SORCS2: variants seen among roughly 807,000 people sequenced by gnomAD.
The protein encoded by SORCS2 is sortilin related VPS10 domain containing receptor 2.
Under a neutral mutation model 141.6 loss-of-function variants are expected in SORCS2, and 100 were observed. That is an observed-to-expected ratio of 0.71 (90% CI 0.60 to 0.83). SORCS2 has a LOEUF of 0.83. Among genes scored for constraint, SORCS2 ranks in the 40% least tolerant of loss-of-function variants. SORCS2 has a pLI of 0.00. For synonymous variants in SORCS2, 789 were observed against 676.9 expected (o/e 1.17, Z -2.57); for missense variants, 1,646 against 1,560.2 (o/e 1.05, Z -0.93).
At chr4:7,249,748 C>T (rs1713353000) in intron 1 of SORCS2, among the ~76,000 whole-genome samples, 1 of 152,194 alleles carries the variant, frequency 6.6e-6, no homozygotes, top group Non-Finnish European at 1.5e-5. Flanking sequence ...GATTCAAACA[C>T]AGAACTCCCT....
intron 1 of SORCS2, among the ~76,000 whole-genome samples, chr4:7,316,582 G>A (rs746757655): frequency 2.6e-5 from 4 of 152,174 alleles, no homozygotes; most frequent in Non-Finnish European, 4.4e-5. Flanking sequence ...ACCTTCCCGT[G>A]CCTTTACACA....
At chr4:7,540,703 G>T (rs940578559) in intron 3 of SORCS2, among the ~76,000 whole-genome samples, 2 of 152,194 alleles carry the variant, frequency 1.3e-5, no homozygotes, top group Non-Finnish European at 2.9e-5. Flanking sequence ...AGGGAGGGCG[G>T]GGGAGACAGA....
chr4:7,243,170 T>C (rs948069994), intron 1 of SORCS2, among the ~76,000 whole-genome samples: 1 of 152,160 alleles, frequency 6.6e-6, no homozygotes, highest in African/African-American at 2.4e-5. Flanking sequence ...TTGCACTTAG[T>C]TGTCACGTGG....
At chr4:7,526,126 C>G (rs1733681679) in intron 2 of SORCS2, among the ~76,000 whole-genome samples, 1 of 152,268 alleles carries the variant, frequency 6.6e-6, no homozygotes, top group South Asian at 2.1e-4. Context: ...TATGCAGGTG[C>G]CACGACCCAG....
intron 1 of SORCS2, among the ~76,000 whole-genome samples, chr4:7,342,679 C>T (rs1272469103): frequency 1.3e-5 from 2 of 152,150 alleles, no homozygotes; most frequent in Admixed American, 6.5e-5. Context: ...GCAGCCCTCC[C>T]TTCAGGACTT....
intron 26 of SORCS2, 27 bp downstream of exon 26, chr4:7,737,199 G>T (rs772854392): frequency 1.3e-6 from 2 of 1,550,154 alleles, no homozygotes; most frequent in Admixed American, 2.0e-5. Flanking sequence ...TGATGATCTC[G>T]ACTCGCAGAC....
At chr4:7,542,282 A>C (rs1000805845) in intron 3 of SORCS2, among the ~76,000 whole-genome samples, 1 of 152,250 alleles carries the variant, frequency 6.6e-6, no homozygotes, top group Non-Finnish European at 1.5e-5. Context: ...CCCCCCAAAA[A>C]AATATGTCCG....
intron 2 of SORCS2, among the ~76,000 whole-genome samples, chr4:7,476,716 A>C (rs1485014516): frequency 6.6e-6 from 1 of 151,754 alleles, no homozygotes; most frequent in Non-Finnish European, 1.5e-5. Flanking sequence ...CCAATCATGA[A>C]CCCTCTCTTG....
chr4:7,356,052 C>T (rs1186458868), intron 1 of SORCS2, among the ~76,000 whole-genome samples: 1 of 152,230 alleles, frequency 6.6e-6, no homozygotes, highest in Non-Finnish European at 1.5e-5. Flanking sequence ...TGCCCCAGGG[C>T]CTTTGCACCA....
At chr4:7,700,895 G>T (rs1203539957) in intron 12 of SORCS2, among the ~76,000 whole-genome samples, 1 of 152,226 alleles carries the variant, frequency 6.6e-6, no homozygotes, top group Non-Finnish European at 1.5e-5. Flanking sequence ...GCAGGGGTTG[G>T]TGTCTGGCAG....
At chr4:7,725,335 A>G (rs1185799127) in intron 20 of SORCS2, 48 bp downstream of exon 20, 2 of 1,582,942 alleles carry the variant, frequency 1.3e-6, no homozygotes, top group South Asian at 1.1e-5. Context: ...CAGGCTCCCC[A>G]CAAGCTGCAC....
At chr4:7,737,389 C>G (rs936851727) in intron 26 of SORCS2, among the ~76,000 whole-genome samples, 13 of 152,094 alleles carry the variant, frequency 8.5e-5, no homozygotes, top group Admixed American at 6.5e-4. Context: ...GAGATGAAAT[C>G]TGAGACATGT....
At chr4:7,313,378 G>A (rs1718327393) in intron 1 of SORCS2, among the ~76,000 whole-genome samples, 1 of 152,232 alleles carries the variant, frequency 6.6e-6, no homozygotes, top group African/African-American at 2.4e-5. Flanking sequence ...AGCCCTCACC[G>A]TCTGGGGGAA....
chr4:7,280,794 G>A (rs1420017129), intron 1 of SORCS2, among the ~76,000 whole-genome samples: 1 of 152,216 alleles, frequency 6.6e-6, no homozygotes, highest in Non-Finnish European at 1.5e-5. Flanking sequence ...TGTAGCAAGG[G>A]ATGGATGCGC....
At chr4:7,602,870 T>C (rs1028887574) in intron 3 of SORCS2, among the ~76,000 whole-genome samples, 1 of 152,016 alleles carries the variant, frequency 6.6e-6, no homozygotes, top group African/African-American at 2.4e-5. Context: ...CTGGGCAACA[T>C]TGAGCACTGA....
intron 1 of SORCS2, among the ~76,000 whole-genome samples, chr4:7,297,526 G>A (rs1717158806): frequency 1.3e-5 from 2 of 152,166 alleles, no homozygotes; most frequent in Non-Finnish European, 2.9e-5. Context: ...GCCATGCCCT[G>A]CCCCCTGCTG....
intron 14 of SORCS2, among the ~76,000 whole-genome samples, chr4:7,706,609 G>A (rs1242726314): frequency 3.1e-5 from 4 of 128,194 alleles, no homozygotes; most frequent in Non-Finnish European, 6.5e-5. Flanking sequence ...GGCTGGGCAG[G>A]GATGAGGCTG....
intron 3 of SORCS2, among the ~76,000 whole-genome samples, chr4:7,614,903 C>T (rs975980201): frequency 6.6e-6 from 1 of 152,098 alleles, no homozygotes; most frequent in African/African-American, 2.4e-5. Context: ...ACCCATCAAT[C>T]CATTCATCCA....
At chr4:7,434,172 G>T (rs760489709) in intron 2 of SORCS2, 2 of 1,613,920 alleles carry the variant, frequency 1.2e-6, no homozygotes, top group Non-Finnish European at 1.7e-6. Flanking sequence ...TCAGTGCTTG[G>T]TCAGCAGGGA....
Sources: allele counts gnomAD v4.1 joint callset (sites outside exome capture counted in the v4.1 genomes callset), GRCh38; gene constraint gnomAD v4.1.1; transcripts MANE v1.5; gene names NCBI Gene and HGNC (gene_info 2026-07-23, HGNC 2026-07-21).